MAP4K3: variants seen among roughly 807,000 people sequenced by gnomAD.
MAP4K3 encodes mitogen-activated protein kinase kinase kinase kinase 3, also known as MAPK/ERK kinase kinase kinase 3.
A neutral mutation model predicts 143.5 loss-of-function variants in MAP4K3; 94 were observed. The observed-to-expected ratio is 0.65, with a 90% CI of 0.55 to 0.78. MAP4K3 has a LOEUF of 0.78. Among genes scored for constraint, MAP4K3 ranks in the 30% least tolerant of loss-of-function variants. MAP4K3 has a pLI of 0.00. For synonymous variants in MAP4K3, 416 were observed against 347.2 expected, an observed-to-expected ratio of 1.20 and a Z score of -2.20; for missense variants, 1,077 against 1,068.1, an observed-to-expected ratio of 1.01 and a Z score of -0.12.
intron 3 of MAP4K3, among the ~76,000 whole-genome samples, chr2:39,348,342 G>GA (rs980487051): frequency 4.5e-4 from 67 of 149,968 alleles, no homozygotes; most frequent in African/African-American, 1.3e-3. Context: ...CTTATAGGCA[G>GA]AAAAAAAAAT....
chr2:39,343,541 C>CA, intron 3 of MAP4K3, 89 bp from the exon 4 acceptor site: 1 of 940,586 alleles, frequency 1.1e-6, no homozygotes, highest in East Asian at 2.4e-5. Flanking sequence ...TAAGCTGTAA[C>CA]ACTGAAAAAC....
chr2:39,332,634 T>C (rs1558651374), intron 7 of MAP4K3, among the ~76,000 whole-genome samples: 2 of 152,052 alleles, frequency 1.3e-5, no homozygotes, highest in Admixed American at 6.6e-5. Flanking sequence ...TAGTATGTCT[T>C]TGAGTGAGGC....
chr2:39,293,106 G>T, intron 17 of MAP4K3, 124 bp downstream of exon 17: 1 of 765,168 alleles, frequency 1.3e-6, no homozygotes, highest in Non-Finnish European at 2.2e-6. Flanking sequence ...AACAGAGCGA[G>T]ACCCTATCTC....
chr2:39,250,855 C>G (rs906486932), intron 33 of MAP4K3, 150 bp from the exon 34 acceptor site: 13 of 654,050 alleles, frequency 2.0e-5, no homozygotes, highest in Admixed American at 9.8e-5. Flanking sequence ...ACTGTGATTA[C>G]AGGGCCAGTT....
chr2:39,305,774 A>C (rs1342766193), intron 15 of MAP4K3, among the ~76,000 whole-genome samples: 3 of 152,206 alleles, frequency 2.0e-5, no homozygotes, highest in Non-Finnish European at 4.4e-5. Flanking sequence ...ACAATATGGT[A>C]ACTTATTCAA....
At chr2:39,261,983 T>C (rs760047178) in intron 28 of MAP4K3, among the ~76,000 whole-genome samples, 1 of 152,188 alleles carries the variant, frequency 6.6e-6, no homozygotes, top group Admixed American at 6.5e-5. Context: ...AAGGGAATTC[T>C]AAAATTTTTC....
rs74842909 is a variant in MAP4K3 at position 39,286,588 on chromosome 2, A to G, written c.1587+264T>C. The stretch of plus-strand genomic sequence containing the variant: ...GAATACTAAGCATTTATCTGTATAA[A>G]GAAGATGTTTTATAACGTACTACAT... On this transcript the variant is annotated intron_variant, in intron 21 of 33. Transcript: ENST00000263881. 1.4e-3 allele frequency among the ~76,000 whole-genome samples: 216 copies of G among 152,320 alleles called. 2 individuals carry two copies. In the East Asian group the frequency reaches 0.031, roughly 22 times the overall value.
intron 12 of MAP4K3, among the ~76,000 whole-genome samples, chr2:39,323,002 G>A (rs1434349393): frequency 6.6e-6 from 1 of 152,032 alleles, no homozygotes; most frequent in Non-Finnish European, 1.5e-5. Context: ...AATAGTTCTA[G>A]TATCACAGTA....
chr2:39,375,177 T>C (rs535793338), intron 2 of MAP4K3, among the ~76,000 whole-genome samples: 1 of 152,250 alleles, frequency 6.6e-6, no homozygotes, highest in South Asian at 2.1e-4. Context: ...AAGTATACCA[T>C]GAGCCCAGGA....
chr2:39,271,990 G>T, intron 26 of MAP4K3: 1 of 231,378 alleles, frequency 4.3e-6, no homozygotes, highest in Admixed American at 5.2e-5. Context: ...AAAAGCAAAG[G>T]CACTAAATGC....
intron 13 of MAP4K3, 146 bp from the exon 14 acceptor site, chr2:39,309,665 T>TCCCTGCCTCAGCC (rs1216001741): frequency 7.6e-6 from 4 of 527,470 alleles, no homozygotes; most frequent in Non-Finnish European, 1.3e-5. Flanking sequence ...TCCCACCATT[T>TCCCTGCCTCAGCC]CCCTGCCTCA....
intron 1 of MAP4K3, among the ~76,000 whole-genome samples, chr2:39,417,380 C>T (rs760347671): frequency 2.1e-4 from 32 of 152,036 alleles, no homozygotes; most frequent in Non-Finnish European, 3.4e-4. Context: ...TCACCACGCC[C>T]GGCTAATTTT....
intron 1 of MAP4K3, among the ~76,000 whole-genome samples, chr2:39,418,738 A>C (rs989621608): frequency 6.6e-6 from 1 of 152,180 alleles, no homozygotes; most frequent in African/African-American, 2.4e-5. Context: ...GAAAAAAAAA[A>C]ACAAAAAACC....
chr2:39,277,422 A>G (rs554060621), intron 24 of MAP4K3, among the ~76,000 whole-genome samples: 64 of 152,198 alleles, frequency 4.2e-4, no homozygotes, highest in African/African-American at 1.5e-3. Context: ...AATATCTTAT[A>G]CTCATTCCTA....
intron 22 of MAP4K3, among the ~76,000 whole-genome samples, 160 bp downstream of exon 22, chr2:39,282,353 C>T (rs1330257281): frequency 3.3e-5 from 5 of 152,004 alleles, no homozygotes; most frequent in South Asian, 2.1e-4. Context: ...CAAAAATTAG[C>T]GGGGCATGGT....
intron 28 of MAP4K3, among the ~76,000 whole-genome samples, chr2:39,262,570 A>C (rs1021049050): frequency 6.6e-5 from 10 of 152,252 alleles, no homozygotes; most frequent in Admixed American, 5.2e-4. Flanking sequence ...TTTAAAAAAA[A>C]ACACAACAGA....
intron 1 of MAP4K3, among the ~76,000 whole-genome samples, chr2:39,423,512 A>T (rs1664958177): frequency 6.6e-6 from 1 of 152,252 alleles, no homozygotes; most frequent in Non-Finnish European, 1.5e-5. Context: ...ACCTGCAAAC[A>T]ACCAAGATGT....
At chr2:39,330,105 G>A (rs567939589) in intron 8 of MAP4K3, among the ~76,000 whole-genome samples, 7 of 152,222 alleles carry the variant, frequency 4.6e-5, no homozygotes, top group Non-Finnish European at 1.0e-4. Context: ...AATTATCAAA[G>A]AAATGACACA....
At chr2:39,377,739 C>T (rs1202646731) in intron 2 of MAP4K3, among the ~76,000 whole-genome samples, 2 of 152,154 alleles carry the variant, frequency 1.3e-5, no homozygotes, top group African/African-American at 4.8e-5. Context: ...TTTTCCACTA[C>T]ATCACACTGA....
Sources: allele counts gnomAD v4.1 joint callset (sites outside exome capture counted in the v4.1 genomes callset), GRCh38; gene constraint gnomAD v4.1.1; transcripts MANE v1.5; gene names NCBI Gene and HGNC (gene_info 2026-07-23, HGNC 2026-07-21).